Variants in ZNF423 observed in about 807,000 individuals in gnomAD.
ZNF423 encodes zinc finger protein 423.
In ZNF423, 12 loss-of-function variants were observed where a neutral mutation model predicts 95.8. That is an observed-to-expected ratio of 0.13 (90% CI 0.08 to 0.20). The LOEUF (loss-of-function observed/expected upper bound fraction) is 0.20. Ranked by LOEUF, ZNF423 falls within the 10% of genes least tolerant of loss-of-function variation. The probability of loss-of-function intolerance (pLI) is 1.00; values close to 1 mark genes in which losing one functional copy is unlikely to be tolerated. For synonymous variants in ZNF423, 749 were observed against 711.9 expected (o/e 1.05, Z -0.83); for missense variants, 1,316 against 1,737.1 (o/e 0.76, Z 4.31).
At chr16:49,626,057 A>G in intron 5 of ZNF423, 113 bp downstream of exon 5, 1 of 1,013,512 alleles carries the variant, frequency 9.9e-7, no homozygotes, top group Non-Finnish European at 1.5e-6. Flanking sequence ...TCTCAGAAAC[A>G]GCAGCAGTGA....
chr16:49,629,300 C>T (rs1215825718), intron 4 of ZNF423, among the ~76,000 whole-genome samples: 3 of 152,140 alleles, frequency 2.0e-5, no homozygotes, highest in Non-Finnish European at 4.4e-5. Context: ...CAATCTCTAC[C>T]TTTTGATTGA....
intron 3 of ZNF423, among the ~76,000 whole-genome samples, chr16:49,700,294 G>A (rs926187920): frequency 4.4e-4 from 66 of 151,666 alleles, no homozygotes; most frequent in African/African-American, 1.6e-3. Context: ...GAAATTGGTC[G>A]GAACAAAGGT....
intron 3 of ZNF423, among the ~76,000 whole-genome samples, chr16:49,729,927 C>T (rs1031717410): frequency 6.6e-6 from 1 of 152,132 alleles, no homozygotes; most frequent in Non-Finnish European, 1.5e-5. Flanking sequence ...AGATTTCAGG[C>T]TTTCTTCCAC....
intron 1 of ZNF423, among the ~76,000 whole-genome samples, chr16:49,819,215 A>C (rs536842756): frequency 7.4e-6 from 1 of 135,384 alleles, no homozygotes; most frequent in Non-Finnish European, 1.5e-5. Context: ...GTGCCACTGC[A>C]CTCCAGCCTG....
In ZNF423 at chr16:49,506,675, G is replaced by A. The variant is rs145938061; in HGVS notation, c.3850-15371C>T. 4.8e-3 allele frequency among the ~76,000 whole-genome samples: 727 copies of A among 152,164 alleles called. 5 individuals are homozygous for A. Among genetic ancestry groups the A allele is most frequent in the Non-Finnish European group, 7.7e-3 (526 of 68,008 alleles). ...GACAGATGTATGGATGGATGGAAAG[G>A]TGGGTGGATAGATAGATGGAAGGAT... On this transcript the variant is annotated intron_variant, in intron 7 of 7. Transcript: ENST00000563137.
chr16:49,761,753 C>T (rs2033836618), intron 2 of ZNF423, among the ~76,000 whole-genome samples: 1 of 152,170 alleles, frequency 6.6e-6, no homozygotes, highest in African/African-American at 2.4e-5. Flanking sequence ...GACCTCTGCA[C>T]AAACATCCAA....
intron 5 of ZNF423, among the ~76,000 whole-genome samples, chr16:49,602,392 C>T (rs1971401974): frequency 6.6e-6 from 1 of 152,230 alleles, no homozygotes; most frequent in South Asian, 2.1e-4. Context: ...AAGATGTCCA[C>T]AGCCTTGACA....
intron 7 of ZNF423, among the ~76,000 whole-genome samples, chr16:49,500,292 C>T (rs533758778): frequency 1.3e-5 from 2 of 152,246 alleles, no homozygotes; most frequent in African/African-American, 4.8e-5. Flanking sequence ...GACTGAAAAT[C>T]GGGGGTCCTA....
intron 3 of ZNF423, among the ~76,000 whole-genome samples, chr16:49,661,396 G>T (rs984926601): frequency 2.0e-5 from 3 of 152,166 alleles, no homozygotes; most frequent in Admixed American, 1.3e-4. Context: ...CACCAGGGGG[G>T]ACCCCCAAAA....
chr16:49,668,784 G>A (rs541910698), intron 3 of ZNF423, among the ~76,000 whole-genome samples: 23 of 152,292 alleles, frequency 1.5e-4, no homozygotes, highest in African/African-American at 5.5e-4. Context: ...AGGAGGGGTG[G>A]GCAGGGAGGT....
chr16:49,548,654 G>C lies in ZNF423; in HGVS notation c.3602-23160C>G, dbSNP rs369841872. Among the ~76,000 whole-genome samples, 10 of 152,342 alleles carry C rather than the reference G, an allele frequency of 6.6e-5. No individual in the cohort carries two copies. In the South Asian group the frequency reaches 8.3e-4, roughly 13 times the overall value. On this transcript the variant is annotated intron_variant, in intron 5 of 7. Coordinates refer to ENST00000563137, the MANE Select transcript of ZNF423 (RefSeq NM_001379286.1). ...AGAGAGACGGGGAAGGCGGAGCAGA[G>C]AGAAGGGAGAGAAGGAGACAGCCGC...
chr16:49,545,719 C>A (rs933858781), intron 5 of ZNF423, among the ~76,000 whole-genome samples: 35 of 152,186 alleles, frequency 2.3e-4, no homozygotes, highest in Non-Finnish European at 4.7e-4. Flanking sequence ...ACAGTTCTGT[C>A]TCCCAAGCAA....
chr16:49,634,305 C>A (rs1228281082), intron 4 of ZNF423, among the ~76,000 whole-genome samples: 1 of 150,622 alleles, frequency 6.6e-6, no homozygotes, highest in African/African-American at 2.4e-5. Flanking sequence ...ATCTTCCAAA[C>A]TCAAAAAGTG....
intron 2 of ZNF423, among the ~76,000 whole-genome samples, chr16:49,779,943 T>A (rs1439984434): frequency 2.6e-5 from 4 of 152,280 alleles, no homozygotes; most frequent in Non-Finnish European, 5.9e-5. Context: ...CCAAATCAAC[T>A]GAGCAACTGC....
intron 1 of ZNF423, among the ~76,000 whole-genome samples, chr16:49,849,615 G>A (rs1055267801): frequency 6.6e-6 from 1 of 152,212 alleles, no homozygotes; most frequent in Non-Finnish European, 1.5e-5. Flanking sequence ...AAACCAGAGT[G>A]TGTTTGCCTA....
At chr16:49,528,276 A>C (rs1968696872) in intron 5 of ZNF423, among the ~76,000 whole-genome samples, 2 of 152,076 alleles carry the variant, frequency 1.3e-5, no homozygotes, top group African/African-American at 4.8e-5. Flanking sequence ...AGTGCCGAGC[A>C]ATTCATCAGC....
chr16:49,700,195 CAAAAAAAA>C (rs3084468), intron 3 of ZNF423, among the ~76,000 whole-genome samples: 1 of 96,584 alleles, frequency 1.0e-5, no homozygotes, highest in African/African-American at 4.1e-5. Flanking sequence ...CCCAGGATTT[CAAAAAAAA>C]AAAAAAAAAA....
chr16:49,611,838 T>C (rs1971734359), intron 5 of ZNF423, among the ~76,000 whole-genome samples: 1 of 151,870 alleles, frequency 6.6e-6, no homozygotes, highest in Non-Finnish European at 1.5e-5. Context: ...AAAAGAATAA[T>C]AAGGGAATAA....
intron 2 of ZNF423, among the ~76,000 whole-genome samples, chr16:49,732,952 T>G (rs147701094): frequency 6.6e-6 from 1 of 152,334 alleles, no homozygotes; most frequent in African/African-American, 2.4e-5. Context: ...TCTCTCTTCT[T>G]ACCAATTAAG....
Sources: allele counts gnomAD v4.1 joint callset (sites outside exome capture counted in the v4.1 genomes callset), GRCh38; gene constraint gnomAD v4.1.1; transcripts MANE v1.5; gene names NCBI Gene and HGNC (gene_info 2026-07-23, HGNC 2026-07-21).